Variants in SGMS1 observed in about 807,000 individuals in gnomAD.
SGMS1 encodes phosphatidylcholine:ceramide cholinephosphotransferase 1.
A neutral mutation model predicts 46.2 loss-of-function variants in SGMS1; 13 were observed. The ratio of observed to expected loss-of-function variants is 0.28; its 90% CI spans 0.18 to 0.45. SGMS1 has a LOEUF of 0.45. SGMS1 is among the 20% of genes least tolerant of loss of function. SGMS1 has a pLI of 1.00. For missense variants in SGMS1, 324 were observed against 519.9 expected (o/e 0.62, Z 3.66); for synonymous variants, 203 against 187.8 (o/e 1.08, Z -0.66).
Position 50,623,945 on chromosome 10 carries a change from G to T in SGMS1, c.-922C>A. 2 of 986,002 alleles carry T rather than the reference G, an allele frequency of 2.0e-6. No individual in the cohort carries two copies. The highest frequency in any genetic ancestry group is 2.4e-6 in the Non-Finnish European group (2 of 830,438). The allele number at this position is 986,002 out of a possible 1,614,324, so 61.1% of individuals were successfully genotyped here. On this transcript the variant is annotated 5_prime_UTR_variant, in exon 1 of 11. Coordinates refer to ENST00000361781, the MANE Select transcript of SGMS1 (RefSeq NM_147156.4). ...GAACGCTTTCGACTTGCCACCGCGA[G>T]CCTCCCGGGCTGCCGAGCATGCCCA... is the stretch of plus-strand genomic sequence containing the variant.
At chr10:50,592,374 C>G (rs1300204898) in intron 1 of SGMS1, among the ~76,000 whole-genome samples, 1 of 152,158 alleles carries the variant, frequency 6.6e-6, no homozygotes. Flanking sequence ...CCTTGCTTGC[C>G]TAGGTCATTT....
chr10:50,356,322 GCAAGATGTGCTTTGT>G (rs1848147519), intron 6 of SGMS1, among the ~76,000 whole-genome samples: 1 of 152,168 alleles, frequency 6.6e-6, no homozygotes, highest in Non-Finnish European at 1.5e-5. Context: ...TAAGGGCGGT[GCAAGATGTGCTTTGT>G]TAAACAGATG....
At chr10:50,354,160 T>C (rs546911068) in intron 6 of SGMS1, among the ~76,000 whole-genome samples, 174 of 149,530 alleles carry the variant, frequency 1.2e-3, no homozygotes, top group Non-Finnish European at 2.1e-3. Flanking sequence ...AGAACAAAGC[T>C]GGAGGCATCA....
intron 1 of SGMS1, among the ~76,000 whole-genome samples, chr10:50,616,478 C>A (rs960189938): frequency 6.6e-6 from 1 of 152,082 alleles, no homozygotes; most frequent in Non-Finnish European, 1.5e-5. Flanking sequence ...GGTATTCCAC[C>A]AACATAACCT....
intron 3 of SGMS1, among the ~76,000 whole-genome samples, chr10:50,477,837 T>C (rs1206346215): frequency 1.3e-5 from 2 of 152,188 alleles, no homozygotes; most frequent in Admixed American, 6.5e-5. Context: ...TCTGCCACGA[T>C]TGTAAGTTTC....
chr10:50,599,342 T>C (rs1201637172), intron 1 of SGMS1, among the ~76,000 whole-genome samples: 2 of 152,222 alleles, frequency 1.3e-5, no homozygotes, highest in Non-Finnish European at 2.9e-5. Context: ...TCATCTTTGC[T>C]GCTAAGAATA....
intron 4 of SGMS1, among the ~76,000 whole-genome samples, chr10:50,461,453 T>C (rs536650505): frequency 6.6e-6 from 1 of 152,328 alleles, no homozygotes; most frequent in East Asian, 1.9e-4. Context: ...TGAAAGAATA[T>C]AGAATCTAAT....
At chr10:50,576,166 G>A (rs1269443585) in intron 2 of SGMS1, among the ~76,000 whole-genome samples, 1 of 152,090 alleles carries the variant, frequency 6.6e-6, no homozygotes, top group African/African-American at 2.4e-5. Context: ...GATCCATGAG[G>A]TACCCACTGA....
intron 2 of SGMS1, among the ~76,000 whole-genome samples, chr10:50,555,453 G>A: frequency 6.6e-6 from 1 of 152,182 alleles, no homozygotes; most frequent in East Asian, 1.9e-4. Context: ...GCTTATCTGA[G>A]CCAGCCAGAA....
chr10:50,381,852 T>C (rs940236879), intron 6 of SGMS1, among the ~76,000 whole-genome samples: 95 of 152,196 alleles, frequency 6.2e-4, no homozygotes, highest in African/African-American at 1.9e-3. Flanking sequence ...AACTGTGGTG[T>C]GGAAGGAAAA....
intron 1 of SGMS1, among the ~76,000 whole-genome samples, chr10:50,615,188 G>C (rs2131937204): frequency 6.6e-6 from 1 of 152,270 alleles, no homozygotes; most frequent in South Asian, 2.1e-4. Flanking sequence ...AGCGCCCACT[G>C]AATGCCTGCC....
chr10:50,327,269 C>T lies in SGMS1; in HGVS notation c.677G>A (p.Arg226Gln). Residue 226 changes from arginine to glutamine, a missense_variant, in exon 8 of 11, where the codon CGG becomes CAG. This residue lies in a region of SGMS1 where 174 missense variants were observed against 350.1 expected (regional missense o/e 0.50). Coordinates refer to ENST00000361781, the MANE Select transcript of SGMS1 (RefSeq NM_147156.4). The part of the protein sequence containing the change: ...FCIVGTLYLY[R>Q]CITMYVTTLP... ...TGTAGTTACATACATTGTAATACAC[C>T]GATACAGGTACAGCGTGCCAACTAT... The T allele has an allele frequency of 6.2e-7, 1 of 1,610,306 alleles. No homozygotes were observed. The highest frequency in any genetic ancestry group is 8.5e-7 in the Non-Finnish European group (1 of 1,178,308).
chr10:50,409,099 T>C (rs1849062527), intron 6 of SGMS1, among the ~76,000 whole-genome samples: 1 of 152,210 alleles, frequency 6.6e-6, no homozygotes, highest in African/African-American at 2.4e-5. Flanking sequence ...GCTTTATTTT[T>C]CCTTTTCTTT....
At chr10:50,355,530 C>T (rs1167868274) in intron 6 of SGMS1, among the ~76,000 whole-genome samples, 2 of 152,214 alleles carry the variant, frequency 1.3e-5, no homozygotes, top group Non-Finnish European at 2.9e-5. Context: ...CAGCCTTGGC[C>T]TCCCAAGGTG....
chr10:50,376,611 T>C (rs1848525744), intron 6 of SGMS1, among the ~76,000 whole-genome samples: 1 of 152,092 alleles, frequency 6.6e-6, no homozygotes. Flanking sequence ...GGCCCCAGTG[T>C]GTGATGTTCC....
chr10:50,624,694 G>A (rs1275233293), upstream of SGMS1: 7 of 985,324 alleles, frequency 7.1e-6, no homozygotes, highest in South Asian at 1.9e-4. Context: ...AGCCCCACGT[G>A]GTGCAAGTCG....
chr10:50,606,568 CAT>C (rs1462019134), intron 1 of SGMS1, among the ~76,000 whole-genome samples: 1 of 152,140 alleles, frequency 6.6e-6, no homozygotes, highest in Non-Finnish European at 1.5e-5. Context: ...AAAAATACAA[CAT>C]ATATTTCTAT....
In SGMS1 at chr10:50,576,009, G is replaced by A. The variant is rs1031409716; in HGVS notation, c.-589+14144C>T. Among the ~76,000 whole-genome samples the A allele has an allele frequency of 2.6e-5, 4 of 152,068 alleles. No homozygotes were observed. The South Asian group carries it at 8.3e-4, about 32-fold the overall frequency. ...TGTCCACTACAGCACCAACCTCAGC[G>A]GCATCTGCCTTGCCTCTTCCTTTCC... On this transcript the variant is annotated intron_variant, in intron 2 of 10. Transcript: ENST00000361781.
chr10:50,583,063 C>T (rs866532450), intron 2 of SGMS1, among the ~76,000 whole-genome samples: 2 of 152,172 alleles, frequency 1.3e-5, no homozygotes, highest in South Asian at 4.1e-4. Context: ...TGCAAATGTC[C>T]ATTAATTCGA....
Sources: gnomAD v4.1 joint callset for allele counts (sites outside exome capture counted in the v4.1 genomes callset) on GRCh38, gnomAD v4.1.1 for gene constraint, gnomAD v4.1.1 regional missense constraint, MANE v1.5 for transcripts, NCBI Gene and HGNC (gene_info 2026-07-23, HGNC 2026-07-21) for gene names.